The following PDZD8 variants were observed in gnomAD, a reference collection of about 807,000 sequenced individuals.
PDZD8 encodes PDZ domain containing 8.
A neutral mutation model predicts 85.8 loss-of-function variants in PDZD8; 14 were observed. The ratio of observed to expected loss-of-function variants is 0.16; its 90% CI spans 0.11 to 0.26. The LOEUF (loss-of-function observed/expected upper bound fraction) is 0.26. PDZD8 is among the 10% of genes least tolerant of loss of function. PDZD8 has a pLI of 1.00. For synonymous variants in PDZD8, 592 were observed against 568.6 expected, an observed-to-expected ratio of 1.04 and a Z score of -0.59; for missense variants, 1,197 against 1,424.3, an observed-to-expected ratio of 0.84 and a Z score of 2.57.
chr10:117,285,517 G>T (rs1265640261), intron 4 of PDZD8, 46 bp from the exon 5 acceptor site: 2 of 1,460,620 alleles, frequency 1.4e-6, no homozygotes, highest in East Asian at 2.3e-5. Flanking sequence ...TATTGCAATA[G>T]AAATTACTAC....
At chr10:117,322,275 T>C (rs1277572191) in intron 2 of PDZD8, among the ~76,000 whole-genome samples, 1 of 152,116 alleles carries the variant, frequency 6.6e-6, no homozygotes, top group Non-Finnish European at 1.5e-5. Flanking sequence ...ATGAAGGAGA[T>C]TTCTGATGAC....
chr10:117,301,149 T>C (rs1205522997), intron 3 of PDZD8, among the ~76,000 whole-genome samples: 1 of 152,096 alleles, frequency 6.6e-6, no homozygotes, highest in Non-Finnish European at 1.5e-5. Context: ...CCACCACACC[T>C]GGCTAATTTT....
At position 117,360,147 on chromosome 10, in the gene PDZD8, T is replaced by C. The variant is rs565794172; in HGVS notation, c.872+14209A>G. ...ATATATATGCTGAACAAAAGAGTGATAATCAAGGCTGCAGGTCCCTCATAA... is the reference window on the plus strand; with the variant it reads ...ATATATATGCTGAACAAAAGAGTGACAATCAAGGCTGCAGGTCCCTCATAA... On this transcript the variant is annotated intron_variant, in intron 1 of 4. Coordinates refer to ENST00000334464, the MANE Select transcript of PDZD8 (RefSeq NM_173791.5). Among the ~76,000 whole-genome samples, 9 of 152,292 alleles carry C rather than the reference T, an allele frequency of 5.9e-5. No homozygotes were observed. The East Asian group carries it at 1.3e-3, about 23-fold the overall frequency.
At chr10:117,290,570 A>G (rs936047380) in intron 3 of PDZD8, among the ~76,000 whole-genome samples, 2 of 152,172 alleles carry the variant, frequency 1.3e-5, no homozygotes, top group East Asian at 1.9e-4. Context: ...TTTATCTTCA[A>G]TGTGTTTTAT....
chr10:117,285,757 C>T, intron 4 of PDZD8: 1 of 1,083,140 alleles, frequency 9.2e-7, no homozygotes, highest in Non-Finnish European at 1.1e-6. Flanking sequence ...CTCCTAATTG[C>T]TTTCTATCTC....
chr10:117,285,286 C>T lies in PDZD8; in HGVS notation c.1447G>A (p.Ala483Thr). The T allele has an allele frequency of 1.9e-6, 3 of 1,614,176 alleles. No individual in the cohort carries two copies. Among genetic ancestry groups the T allele is most frequent in the Non-Finnish European group, 2.5e-6 (3 of 1,180,030 alleles). ...CTTTCAGTATCTACTGTCAACCCGG[C>T]AGCTTCCTCTTCATAACCCGATTGG... Reference protein sequence around the residue: ...SCQSGYEEEAAGLTVDTESRE... With the variant: ...SCQSGYEEEATGLTVDTESRE... Residue 483 changes from alanine (A) to threonine (T), a missense_variant, in exon 5 of 5, where the codon GCC becomes ACC. Physicochemically the swap from Ala to Thr is moderately conservative, Grantham distance 58. This residue lies in a region of PDZD8 where 263 missense variants were observed against 261.9 expected (regional missense o/e 1.00). Transcript: ENST00000334464.
intron 3 of PDZD8, among the ~76,000 whole-genome samples, chr10:117,313,612 G>A (rs1449883864): frequency 1.3e-5 from 2 of 152,098 alleles, no homozygotes; most frequent in Non-Finnish European, 2.9e-5. Context: ...TAGATGTTGG[G>A]AAACTTTGGT....
At chr10:117,344,867 C>A (rs528602714) in intron 1 of PDZD8, among the ~76,000 whole-genome samples, 5 of 152,296 alleles carry the variant, frequency 3.3e-5, no homozygotes, top group African/African-American at 1.2e-4. Context: ...ACCCAGCCCC[C>A]ACTCATGGAA....
At chr10:117,318,723 GTTGTA>G (rs1844173104) in intron 3 of PDZD8, 144 bp downstream of exon 3, 3 of 558,408 alleles carry the variant, frequency 5.4e-6, no homozygotes. Context: ...TATCACTGTA[GTTGTA>G]TTGTAACGAG....
intron 3 of PDZD8, among the ~76,000 whole-genome samples, chr10:117,316,005 C>T (rs1844123024): frequency 6.6e-6 from 1 of 152,124 alleles, no homozygotes; most frequent in Non-Finnish European, 1.5e-5. Context: ...TCACAAATTG[C>T]ACTGTCTCTT....
At chr10:117,333,116 T>TCAAAAAAAA (rs1564702929) in intron 2 of PDZD8, among the ~76,000 whole-genome samples, 1 of 16,804 alleles carries the variant, frequency 6.0e-5, no homozygotes, top group Non-Finnish European at 1.0e-4. Context: ...GGACTCTGTC[T>TCAAAAAAAA]CAAAAAAAAA....
intron 3 of PDZD8, among the ~76,000 whole-genome samples, chr10:117,305,487 C>A (rs866148109): frequency 1.5e-5 from 2 of 136,484 alleles, no homozygotes; most frequent in African/African-American, 5.6e-5. Flanking sequence ...CACACACACA[C>A]ACACACACAC....
In PDZD8 at chr10:117,285,421, C is replaced by T; in HGVS notation, c.1312G>A (p.Gly438Ser). Residue 438 changes from glycine (G) to serine (S), a missense_variant, in exon 5 of 5, where the codon GGT becomes AGT. Physicochemically the swap from Gly to Ser is moderately conservative, Grantham distance 56. This residue lies in a region of PDZD8 where 344 missense variants were observed against 453.6 expected (regional missense o/e 0.76). Transcript: ENST00000334464. The part of the protein sequence containing the change: ...LQVLKLIKQA[G>S]DRVLVYYERP... ...TCATAGTACACCAGGACTCGGTCAC[C>T]AGCCTGCTTGATAAGCTTCAACACT... The T allele has an allele frequency of 6.2e-7, 1 of 1,612,594 alleles. No individual in the cohort carries two copies. Among genetic ancestry groups the T allele is most frequent in the Non-Finnish European group, 8.5e-7 (1 of 1,178,710 alleles).
chr10:117,346,246 A>C (rs1031204591), intron 1 of PDZD8, among the ~76,000 whole-genome samples: 5 of 151,332 alleles, frequency 3.3e-5, no homozygotes, highest in Non-Finnish European at 7.4e-5. Context: ...AAAAAAAAAA[A>C]AAAAACTATA....
rs573664408 is a variant in PDZD8 at position 117,319,703 on chromosome 10, A to G, written c.996-729T>C. On this transcript the variant is annotated intron_variant, in intron 2 of 4. Coordinates refer to ENST00000334464, the MANE Select transcript of PDZD8 (RefSeq NM_173791.5). ...TAATATTTAGATCTAAAAAAGACAT[A>G]TGAGGTCCAGTCACGAGATTATATA... Among the ~76,000 whole-genome samples, 11 of 152,242 alleles carry G rather than the reference A, an allele frequency of 7.2e-5. No homozygotes were observed. The South Asian group carries it at 2.1e-3, about 29-fold the overall frequency.
rs576585111 is a variant in PDZD8 at position 117,285,075 on chromosome 10, G to A, written c.1658C>T (p.Pro553Leu). Reference sequence around the variant, plus strand: ...TCCATCTTTGGACTGAATTTTCGGTGGTAGTGGGTGACTTCCTACAGCTAA... The same window carrying A: ...TCCATCTTTGGACTGAATTTTCGGTAGTAGTGGGTGACTTCCTACAGCTAA... ...RKLAVGSHPLPPKIQSKDGNK... is the reference protein window; with the variant it reads ...RKLAVGSHPLLPKIQSKDGNK... The change falls in exon 5 of 5, where the codon CCA (proline) becomes CTA (leucine). Residue 553 changes from proline (P) to leucine (L), a missense_variant. Transcript: ENST00000334464. 4 of 1,613,952 alleles carry A rather than the reference G, an allele frequency of 2.5e-6. No individual in the cohort carries two copies. Among genetic ancestry groups the A allele is most frequent in the East Asian group, 2.2e-5 (1 of 44,888 alleles).
In PDZD8 at chr10:117,279,520, A is replaced by G. The variant is rs1330885832; in HGVS notation, c.*3748T>C. On this transcript the variant is annotated 3_prime_UTR_variant, in exon 5 of 5. Transcript: ENST00000334464. Reference sequence around the variant, plus strand: ...TTTTGACTGTGGATATTTAATTAAAAACTATTTTTCTGTGCTTGTAGGCAT... The same window carrying G: ...TTTTGACTGTGGATATTTAATTAAAGACTATTTTTCTGTGCTTGTAGGCAT... 6.6e-6 allele frequency: 1 copy of G among 152,244 alleles called. No individual in the cohort carries two copies. Among genetic ancestry groups the G allele is most frequent in the Non-Finnish European group, 1.5e-5 (1 of 68,044 alleles). 9.4% of individuals were successfully genotyped at this position (152,244 alleles called of 1,614,324 possible). A position where few individuals can be genotyped will look rare whatever the true frequency, so the allele number is the denominator to read the frequency against.
chr10:117,350,476 G>A (rs1336079696), intron 1 of PDZD8, among the ~76,000 whole-genome samples: 1 of 151,052 alleles, frequency 6.6e-6, no homozygotes, highest in Non-Finnish European at 1.5e-5. Context: ...GTGTAGGCCA[G>A]GCTGGTCTCG....
Position 117,283,756 on chromosome 10 carries a change from G to A in PDZD8, c.2977C>T (p.Arg993Trp), listed in dbSNP as rs749964132. The change falls in exon 5 of 5, where the codon CGG (arginine) becomes TGG (tryptophan). Residue 993 changes from arginine to tryptophan, a missense_variant. Physicochemically the swap from Arg to Trp is moderately radical, Grantham distance 101. Around this residue, in one of 4 missense-constraint regions of PDZD8, gnomAD observed 418 missense variants for 571.1 expected, o/e 0.73. Coordinates refer to ENST00000334464, the MANE Select transcript of PDZD8 (RefSeq NM_173791.5). ...AACTTTATTCCTGTGCTGTTTCCCC[G>A]TTTAGAAGGACTGTTTGGACCACAG... ...EVCGPNSPSKRGNSTGIKLVR... is the reference protein window; with the variant it reads ...EVCGPNSPSKWGNSTGIKLVR... 42 of 1,613,934 alleles carry A rather than the reference G, an allele frequency of 2.6e-5. No homozygotes were observed. The highest frequency in any genetic ancestry group is 3.3e-5 in the South Asian group (3 of 91,078).
Sources: gnomAD v4.1 joint callset for allele counts (sites outside exome capture counted in the v4.1 genomes callset) on GRCh38, gnomAD v4.1.1 for gene constraint, gnomAD v4.1.1 regional missense constraint, MANE v1.5 for transcripts, NCBI Gene and HGNC (gene_info 2026-07-23, HGNC 2026-07-21) for gene names.